The following TMEM117 variants were observed in gnomAD, a reference collection of about 807,000 sequenced individuals.
TMEM117 encodes transmembrane protein 117.
In TMEM117, 27 loss-of-function variants were observed where a neutral mutation model predicts 52.4. That is an observed-to-expected ratio of 0.51 (90% CI 0.38 to 0.71). The LOEUF (loss-of-function observed/expected upper bound fraction) is 0.71. TMEM117 is among the 30% of genes least tolerant of loss of function. The pLI, the probability that TMEM117 is intolerant of heterozygous loss-of-function variation, is 0.00. For missense variants in TMEM117, 556 were observed against 630.5 expected, an observed-to-expected ratio of 0.88 and a Z score of 1.26; for synonymous variants, 215 against 206.3, an observed-to-expected ratio of 1.04 and a Z score of -0.36.
intron 5 of TMEM117, among the ~76,000 whole-genome samples, chr12:44,243,935 C>A (rs1950096799): frequency 6.6e-6 from 1 of 151,994 alleles, no homozygotes; most frequent in Non-Finnish European, 1.5e-5. Flanking sequence ...CCAGATTCAT[C>A]CATGTTGTCA....
chr12:44,125,801 A>T (rs555644413), intron 3 of TMEM117, among the ~76,000 whole-genome samples: 88 of 151,690 alleles, frequency 5.8e-4, no homozygotes, highest in Middle Eastern at 6.8e-3. Context: ...TTTAGTTGTG[A>T]TGTTAGATTG....
chr12:43,929,094 C>T (rs1433574933), intron 2 of TMEM117, among the ~76,000 whole-genome samples: 1 of 151,646 alleles, frequency 6.6e-6, no homozygotes, highest in African/African-American at 2.4e-5. Flanking sequence ...ATTTATAGTC[C>T]TTTGGGTATA....
chr12:44,008,841 T>C, intron 3 of TMEM117: 1 of 445,516 alleles, frequency 2.2e-6, no homozygotes. Flanking sequence ...ATTTGGTATG[T>C]GTGTAGATTT....
intron 6 of TMEM117, among the ~76,000 whole-genome samples, chr12:44,316,747 A>G (rs1037250149): frequency 1.3e-5 from 2 of 151,938 alleles, no homozygotes; most frequent in Admixed American, 1.3e-4. Context: ...GCTTTACATA[A>G]TCCCATATTT....
At chr12:43,860,129 C>G (rs543346059) in intron 2 of TMEM117, among the ~76,000 whole-genome samples, 30 of 152,130 alleles carry the variant, frequency 2.0e-4, no homozygotes, top group Non-Finnish European at 3.4e-4. Flanking sequence ...ACCCATCAAC[C>G]CATCACCTAC....
intron 3 of TMEM117, among the ~76,000 whole-genome samples, chr12:44,002,742 T>C (rs1017758443): frequency 5.3e-5 from 8 of 152,192 alleles, no homozygotes; most frequent in African/African-American, 1.9e-4. Context: ...CCCTGTCCCT[T>C]CTTCCTTCTC....
At chr12:43,955,808 C>CA (rs1226498011) in intron 3 of TMEM117, among the ~76,000 whole-genome samples, 1 of 151,954 alleles carries the variant, frequency 6.6e-6, no homozygotes, top group Admixed American at 6.6e-5. Flanking sequence ...CATATGGAAC[C>CA]AAAAAAGAGC....
intron 2 of TMEM117, among the ~76,000 whole-genome samples, chr12:43,894,631 C>A (rs1944167174): frequency 6.6e-6 from 1 of 152,198 alleles, no homozygotes; most frequent in East Asian, 1.9e-4. Flanking sequence ...TTAGCTCCCA[C>A]CTAGAATTCG....
At chr12:44,061,992 A>G (rs1947146688) in intron 3 of TMEM117, among the ~76,000 whole-genome samples, 2 of 152,182 alleles carry the variant, frequency 1.3e-5, no homozygotes, top group Non-Finnish European at 1.5e-5. Context: ...GGTTAAGCCT[A>G]TGATAATTTT....
intron 4 of TMEM117, among the ~76,000 whole-genome samples, chr12:44,152,654 A>G (rs1263034136): frequency 1.5e-5 from 2 of 131,018 alleles, no homozygotes; most frequent in Admixed American, 1.7e-4. Context: ...TATATATAAT[A>G]TTTATATCAT....
At chr12:43,890,512 A>G (rs1050919172) in intron 2 of TMEM117, among the ~76,000 whole-genome samples, 3 of 151,538 alleles carry the variant, frequency 2.0e-5, no homozygotes, top group Non-Finnish European at 4.4e-5. Context: ...TCCAAGGGAT[A>G]TTTTCTCTTC....
chr12:43,819,123 G>A, the TMEM117 span, among the ~76,000 whole-genome samples: 1 of 152,200 alleles, frequency 6.6e-6, no homozygotes, highest in Non-Finnish European at 1.5e-5. Context: ...GCGGAGGGGA[G>A]GAGGGGAAGG....
chr12:44,138,370 AT>A (rs1384873075), intron 3 of TMEM117, among the ~76,000 whole-genome samples: 1 of 152,166 alleles, frequency 6.6e-6, no homozygotes, highest in African/African-American at 2.4e-5. Context: ...TTAATCACTA[AT>A]GTTGAGAGTA....
At chr12:43,904,992 A>C (rs1275886325) in intron 2 of TMEM117, among the ~76,000 whole-genome samples, 1 of 151,798 alleles carries the variant, frequency 6.6e-6, no homozygotes, top group African/African-American at 2.4e-5. Flanking sequence ...AAAAATACAA[A>C]ATTAGCTGGG....
At chr12:44,019,118 T>C (rs1372385863) in intron 3 of TMEM117, among the ~76,000 whole-genome samples, 1 of 152,026 alleles carries the variant, frequency 6.6e-6, no homozygotes, top group Non-Finnish European at 1.5e-5. Context: ...AAATTGCCTA[T>C]AGAGTTTTTT....
chr12:44,199,938 T>A (rs886409411), intron 4 of TMEM117, among the ~76,000 whole-genome samples: 6 of 151,954 alleles, frequency 3.9e-5, no homozygotes, highest in African/African-American at 1.5e-4. Flanking sequence ...GTCAACATGG[T>A]GAAATCCCAT....
At chr12:44,117,615 G>A (rs1244676236) in intron 3 of TMEM117, among the ~76,000 whole-genome samples, 3 of 152,224 alleles carry the variant, frequency 2.0e-5, no homozygotes, top group Admixed American at 2.0e-4. Flanking sequence ...TTTTGAGAAT[G>A]AAACTAGGCC....
chr12:43,914,150 G>C (rs1164547909), intron 2 of TMEM117, among the ~76,000 whole-genome samples: 1 of 152,098 alleles, frequency 6.6e-6, no homozygotes, highest in Non-Finnish European at 1.5e-5. Context: ...GTATACCAAT[G>C]CATGGGAGAG....
intron 3 of TMEM117, among the ~76,000 whole-genome samples, chr12:44,076,027 C>T (rs1947376558): frequency 6.6e-6 from 1 of 152,092 alleles, no homozygotes; most frequent in South Asian, 2.1e-4. Context: ...CTTCGGAGAG[C>T]CAATCAGCTG....
Sources: allele counts gnomAD v4.1 joint callset (sites outside exome capture counted in the v4.1 genomes callset), GRCh38; gene constraint gnomAD v4.1.1; transcripts MANE v1.5; gene names NCBI Gene and HGNC (gene_info 2026-07-23, HGNC 2026-07-21).